The following CDV3 variants were observed in gnomAD, a reference collection of about 807,000 sequenced individuals.
CDV3 encodes the protein protein CDV3 homolog.
CDV3 carries 14 observed loss-of-function variants against 24.5 expected under a neutral mutation model. That is an observed-to-expected ratio of 0.57 (90% CI 0.38 to 0.89). CDV3 has a LOEUF of 0.89. Ranked by LOEUF, CDV3 falls within the 40% of genes least tolerant of loss-of-function variation. The pLI, the probability that CDV3 is intolerant of heterozygous loss-of-function variation, is 0.00. For synonymous variants in CDV3, 114 were observed against 114.1 expected, an observed-to-expected ratio of 1.00 and a Z score of 0.00; for missense variants, 304 against 310.2, an observed-to-expected ratio of 0.98 and a Z score of 0.15.
At position 133,589,568 on chromosome 3, in the gene CDV3, TAATA is replaced by T. The variant is rs777784361; in HGVS notation, c.*1526_*1529del. On this transcript the variant is annotated 3_prime_UTR_variant, in exon 5 of 5. Coordinates refer to ENST00000264993, the MANE Select transcript of CDV3 (RefSeq NM_017548.5). The stretch of plus-strand genomic sequence containing the variant: ...TTGATGCAGAGTCCGGGTTTCTCTA[TAATA>T]AATCCCTTTGCCAAATGCATGAGTT... The T allele has an allele frequency of 1.3e-5, 2 of 152,644 alleles. No individual in the cohort carries two copies. The highest frequency in any genetic ancestry group is 1.3e-4 in the Admixed American group (2 of 15,284). The allele number at this position is 152,644 out of a possible 1,614,324, so 9.5% of individuals were successfully genotyped here. A position where few individuals can be genotyped will look rare whatever the true frequency, so the allele number is the denominator to read the frequency against.
At chr3:133,582,708 T>A (rs1350275498) in intron 2 of CDV3, among the ~76,000 whole-genome samples, 1 of 152,126 alleles carries the variant, frequency 6.6e-6, no homozygotes, top group Non-Finnish European at 1.5e-5. Flanking sequence ...GCCTTTTTTT[T>A]ATAGGAAGGT....
At chr3:133,578,756 G>C (rs1359873618) in intron 2 of CDV3, among the ~76,000 whole-genome samples, 1 of 152,168 alleles carries the variant, frequency 6.6e-6, no homozygotes, top group Non-Finnish European at 1.5e-5. Flanking sequence ...CTGTGGAGAT[G>C]CCCGGTATTC....
In CDV3 at chr3:133,573,947, G is replaced by A; in HGVS notation, c.-98G>A. 8 of 962,684 alleles carry A rather than the reference G, an allele frequency of 8.3e-6. No homozygotes were observed. Among genetic ancestry groups the A allele is most frequent in the Non-Finnish European group, 9.9e-6 (8 of 808,010 alleles). The allele number at this position is 962,684 out of a possible 1,614,324, so 59.6% of individuals were successfully genotyped here. A position where few individuals can be genotyped will look rare whatever the true frequency, so the allele number is the denominator to read the frequency against. ...CGGGGCTGAGGCGTCGCCGCGCCCG[G>A]CAGCGTGAGCGCAGAGCCGGCCTCG... is the stretch of plus-strand genomic sequence containing the variant. On this transcript the variant is annotated 5_prime_UTR_variant, in exon 1 of 5. Coordinates refer to ENST00000264993, the MANE Select transcript of CDV3 (RefSeq NM_017548.5).
chr3:133,587,478 A>G, intron 4 of CDV3: 1 of 1,132,176 alleles, frequency 8.8e-7, no homozygotes, highest in Non-Finnish European at 1.1e-6. Context: ...ATCCACTCCC[A>G]CAAAATCGAT....
chr3:133,590,127 G>A lies in CDV3; in HGVS notation c.*2081G>A, dbSNP rs1933976565. ...ATTGTGAAAATATCAAAATATAAAT[G>A]AATCAAGTTTTAATATACTGTATGA... On this transcript the variant is annotated 3_prime_UTR_variant, in exon 5 of 5. Coordinates refer to ENST00000264993, the MANE Select transcript of CDV3 (RefSeq NM_017548.5). 6.6e-6 allele frequency: 1 copy of A among 151,150 alleles called. No homozygotes were observed. Among genetic ancestry groups the A allele is most frequent in the African/African-American group, 2.4e-5 (1 of 41,362 alleles). 9.4% of individuals were successfully genotyped at this position (151,150 alleles called of 1,614,324 possible). A position where few individuals can be genotyped will look rare whatever the true frequency, so the allele number is the denominator to read the frequency against.
rs921397222 is a variant in CDV3, at chr3:133,590,097, A to T, written c.*2051A>T. On this transcript the variant is annotated 3_prime_UTR_variant, in exon 5 of 5. Transcript: ENST00000264993. ...ATTACAACTCTTGTTATAACTTTTT[A>T]AAAGATTGTGAAAATATCAAAATAT... The T allele has an allele frequency of 2.0e-5, 3 of 152,208 alleles. 1 individual carries two copies. The highest frequency in any genetic ancestry group is 7.2e-5 in the African/African-American group (3 of 41,446). 9.4% of individuals were successfully genotyped at this position (152,208 alleles called of 1,614,324 possible).
In CDV3 at chr3:133,583,156, C is replaced by G. The variant is rs542111614; in HGVS notation, c.318-846C>G. Among the ~76,000 whole-genome samples, 54 of 152,078 alleles carry G rather than the reference C, an allele frequency of 3.6e-4. 1 individual carries two copies. Among genetic ancestry groups the G allele is most frequent in the Non-Finnish European group, 5.7e-4 (39 of 68,018 alleles). On this transcript the variant is annotated intron_variant, in intron 2 of 4. Transcript: ENST00000264993. Reference sequence around the variant, plus strand: ...CATCTGGAAAGCCAAAGACTGAGATCTTATATATTTTTTTTAAACAGGTGA... The same window carrying G: ...CATCTGGAAAGCCAAAGACTGAGATGTTATATATTTTTTTTAAACAGGTGA...
intron 3 of CDV3, among the ~76,000 whole-genome samples, chr3:133,584,771 C>G (rs1933412501): frequency 1.3e-5 from 2 of 152,080 alleles, no homozygotes; most frequent in Admixed American, 6.5e-5. Flanking sequence ...AAAGTTGCTT[C>G]TTATGGAATG....
intron 2 of CDV3, among the ~76,000 whole-genome samples, chr3:133,577,054 G>T (rs1045324115): frequency 4.0e-5 from 6 of 151,406 alleles, no homozygotes; most frequent in Non-Finnish European, 5.9e-5. Flanking sequence ...CATCATGTTG[G>T]TCAGGCTGGT....
Position 133,573,945 on chromosome 3 carries a change from C to T in CDV3, c.-100C>T, listed in dbSNP as rs991669655. On this transcript the variant is annotated 5_prime_UTR_variant, in exon 1 of 5. Transcript: ENST00000264993. ...CGCGGGGCTGAGGCGTCGCCGCGCCCGGCAGCGTGAGCGCAGAGCCGGCCT... is the reference window on the plus strand; with the variant it reads ...CGCGGGGCTGAGGCGTCGCCGCGCCTGGCAGCGTGAGCGCAGAGCCGGCCT... 1.9e-3 allele frequency: 1,867 copies of T among 962,954 alleles called. 2 individuals are homozygous for T. Among genetic ancestry groups the T allele is most frequent in the Non-Finnish European group, 2.2e-3 (1,775 of 808,348 alleles). 59.7% of individuals were successfully genotyped at this position (962,954 alleles called of 1,614,324 possible).
chr3:133,575,958 A>G (rs1028929553), intron 2 of CDV3, among the ~76,000 whole-genome samples: 1 of 152,224 alleles, frequency 6.6e-6, no homozygotes, highest in Non-Finnish European at 1.5e-5. Context: ...AAGGATCTTG[A>G]TAAACTGTCT....
chr3:133,587,166 TTAAAA>T (rs1933691446), intron 4 of CDV3: 1 of 1,335,436 alleles, frequency 7.5e-7, no homozygotes, highest in Non-Finnish European at 1.0e-6. Flanking sequence ...CAGCAGGTAC[TTAAAA>T]TGAATGCTAC....
At position 133,589,809 on chromosome 3, in the gene CDV3, T is replaced by A. The variant is rs562428311; in HGVS notation, c.*1763T>A. 6.6e-6 allele frequency: 1 copy of A among 152,450 alleles called. No homozygotes were observed. The highest frequency in any genetic ancestry group is 2.1e-4 in the South Asian group (1 of 4,830). The allele number at this position is 152,450 out of a possible 1,614,324, so 9.4% of individuals were successfully genotyped here. A position where few individuals can be genotyped will look rare whatever the true frequency, so the allele number is the denominator to read the frequency against. Reference sequence around the variant, plus strand: ...CAGGCAGGATGCCTGCCTTCTAATATATTTGGGTGAGTAACTGAGCCAGCC... The same window carrying A: ...CAGGCAGGATGCCTGCCTTCTAATAAATTTGGGTGAGTAACTGAGCCAGCC... On this transcript the variant is annotated 3_prime_UTR_variant, in exon 5 of 5. Transcript: ENST00000264993.
chr3:133,588,443 C>T lies in CDV3; in HGVS notation c.*397C>T. ...TCACAACTTCTGGATAAGAAGATTA[C>T]AACTATTAAGTGTCGATGTGAACCT... On this transcript the variant is annotated 3_prime_UTR_variant, in exon 5 of 5. Transcript: ENST00000264993. 2.9e-6 allele frequency: 4 copies of T among 1,362,878 alleles called. No homozygotes were observed. Among genetic ancestry groups the T allele is most frequent in the Non-Finnish European group, 3.0e-6 (3 of 990,018 alleles). 84.4% of individuals were successfully genotyped at this position (1,362,878 alleles called of 1,614,324 possible). A position where few individuals can be genotyped will look rare whatever the true frequency, so the allele number is the denominator to read the frequency against.
chr3:133,580,984 T>C (rs1368417552), intron 2 of CDV3, among the ~76,000 whole-genome samples: 1 of 152,206 alleles, frequency 6.6e-6, no homozygotes, highest in Non-Finnish European at 1.5e-5. Flanking sequence ...TTTTTAATTT[T>C]TTTCCTAAGG....
Position 133,575,135 on chromosome 3 carries a change from G to C in CDV3, c.317+20G>C, listed in dbSNP as rs772175959. The C allele has an allele frequency of 2.2e-6, 3 of 1,343,976 alleles. No individual in the cohort carries two copies. Among genetic ancestry groups the C allele is most frequent in the Non-Finnish European group, 3.2e-6 (3 of 934,896 alleles). The allele number at this position is 1,343,976 out of a possible 1,614,324, so 83.3% of individuals were successfully genotyped here. A position where few individuals can be genotyped will look rare whatever the true frequency, so the allele number is the denominator to read the frequency against. On this transcript the variant is annotated intron_variant, in intron 2 of 4. Transcript: ENST00000264993. Reference sequence around the variant, plus strand: ...AATAAGGTATAGTCTGGTTACAAATGTGTTTAGATAACCTTTGGGATAGAT... The same window carrying C: ...AATAAGGTATAGTCTGGTTACAAATCTGTTTAGATAACCTTTGGGATAGAT...
At chr3:133,579,060 C>T (rs1451964971) in intron 2 of CDV3, among the ~76,000 whole-genome samples, 2 of 152,206 alleles carry the variant, frequency 1.3e-5, no homozygotes, top group Non-Finnish European at 2.9e-5. Context: ...TATTTTGGCT[C>T]TGCTACTTTG....
chr3:133,577,074 C>T (rs1001133292), intron 2 of CDV3, among the ~76,000 whole-genome samples: 89 of 151,858 alleles, frequency 5.9e-4, no homozygotes, highest in Middle Eastern at 3.4e-3. Flanking sequence ...TTTTGAACTC[C>T]TGACCTCGTG....
intron 3 of CDV3, among the ~76,000 whole-genome samples, chr3:133,585,542 T>A (rs1422441982): frequency 6.6e-6 from 1 of 151,540 alleles, no homozygotes; most frequent in Non-Finnish European, 1.5e-5. Flanking sequence ...TTGCCCAGGC[T>A]GGAGTGCAGT....
Sources: allele counts gnomAD v4.1 joint callset (sites outside exome capture counted in the v4.1 genomes callset), GRCh38; gene constraint gnomAD v4.1.1; transcripts MANE v1.5; gene names NCBI Gene and HGNC (gene_info 2026-07-23, HGNC 2026-07-21).